The following PALD1 variants were observed in gnomAD, a reference collection of about 807,000 sequenced individuals.
PALD1 encodes the protein paladin.
PALD1 carries 57 observed loss-of-function variants against 96.0 expected under a neutral mutation model. The ratio of observed to expected loss-of-function variants is 0.59; its 90% CI spans 0.48 to 0.74. The LOEUF (loss-of-function observed/expected upper bound fraction) is 0.74. Among genes scored for constraint, PALD1 ranks in the 30% least tolerant of loss-of-function variants. The probability of loss-of-function intolerance (pLI) is 0.00; values close to 1 mark genes in which losing one functional copy is unlikely to be tolerated. For synonymous variants in PALD1, 464 were observed against 473.6 expected, an observed-to-expected ratio of 0.98 and a Z score of 0.26; for missense variants, 1,063 against 1,143.7, an observed-to-expected ratio of 0.93 and a Z score of 1.02.
intron 18 of PALD1, among the ~76,000 whole-genome samples, chr10:70,553,694 G>A (rs543541421): frequency 1.3e-5 from 2 of 152,216 alleles, no homozygotes; most frequent in Non-Finnish European, 2.9e-5. Context: ...TTAGGAGGGG[G>A]ACAAGACCCG....
At chr10:70,463,181 G>C in the PALD1 span, among the ~76,000 whole-genome samples, 1 of 152,196 alleles carries the variant, frequency 6.6e-6, no homozygotes, top group African/African-American at 2.4e-5. Flanking sequence ...AAGGCGGGCA[G>C]ATCACAAGGT....
At chr10:70,494,187 A>C (rs1291568696) in intron 1 of PALD1, among the ~76,000 whole-genome samples, 1 of 152,162 alleles carries the variant, frequency 6.6e-6, no homozygotes, top group African/African-American at 2.4e-5. Context: ...CACTTCCTTC[A>C]GTCTTTACTC....
intron 18 of PALD1, among the ~76,000 whole-genome samples, chr10:70,548,694 C>A (rs571745688): frequency 4.5e-4 from 69 of 152,352 alleles, no homozygotes; most frequent in African/African-American, 1.6e-3. Context: ...TTGCCTGTGG[C>A]CCCTGCAGAG....
intron 18 of PALD1, among the ~76,000 whole-genome samples, chr10:70,554,506 G>A (rs895297538): frequency 3.3e-5 from 5 of 152,154 alleles, no homozygotes; most frequent in East Asian, 1.9e-4. Context: ...CACTTCCAGC[G>A]CTTTGGACGG....
chr10:70,533,778 A>C, intron 7 of PALD1, 144 bp from the exon 8 acceptor site: 1 of 671,478 alleles, frequency 1.5e-6, no homozygotes, highest in Non-Finnish European at 2.4e-6. Context: ...TGGCTTTGGC[A>C]GAAGAGGCCA....
At chr10:70,541,559 G>A (rs1287423867) in intron 17 of PALD1, 25 bp downstream of exon 17, 1 of 1,581,422 alleles carries the variant, frequency 6.3e-7, no homozygotes, top group Non-Finnish European at 8.7e-7. Flanking sequence ...CGGGGTCCCT[G>A]AGGCACCTTG....
At chr10:70,496,502 C>T (rs1446507849) in intron 1 of PALD1, among the ~76,000 whole-genome samples, 1 of 152,156 alleles carries the variant, frequency 6.6e-6, no homozygotes, top group Non-Finnish European at 1.5e-5. Flanking sequence ...GAACTTTGTA[C>T]AAGTGGACTA....
In PALD1 at chr10:70,515,707, G is replaced by A. The variant is rs542680476; in HGVS notation, c.-29-10216G>A. 9.9e-5 allele frequency among the ~76,000 whole-genome samples: 15 copies of A among 152,248 alleles called. 1 individual carries two copies. Among genetic ancestry groups the A allele is most frequent in the African/African-American group, 3.4e-4 (14 of 41,544 alleles). On this transcript the variant is annotated intron_variant, in intron 1 of 19. Transcript: ENST00000263563. ...ACATTCACTGATTTCATCTTTATACGGTCCAGCAGGGGAGGTACCGGTGGT... is the reference window on the plus strand; with the variant it reads ...ACATTCACTGATTTCATCTTTATACAGTCCAGCAGGGGAGGTACCGGTGGT...
At chr10:70,504,631 C>T (rs1322581127) in intron 1 of PALD1, among the ~76,000 whole-genome samples, 1 of 152,074 alleles carries the variant, frequency 6.6e-6, no homozygotes, top group African/African-American at 2.4e-5. Context: ...ACTGTATGTT[C>T]CAAAACAAAA....
chr10:70,510,772 G>C (rs963368255), intron 1 of PALD1, among the ~76,000 whole-genome samples: 10 of 152,192 alleles, frequency 6.6e-5, no homozygotes, highest in African/African-American at 2.4e-4. Context: ...TGCCATTTTG[G>C]AGCAGTAGAG....
intron 1 of PALD1, among the ~76,000 whole-genome samples, chr10:70,518,655 T>C (rs1274774512): frequency 6.6e-6 from 1 of 152,250 alleles, no homozygotes; most frequent in African/African-American, 2.4e-5. Flanking sequence ...TATTGACTTG[T>C]TAAGAGTTGG....
chr10:70,532,376 G>C (rs1316071375), intron 5 of PALD1, among the ~76,000 whole-genome samples: 1 of 152,232 alleles, frequency 6.6e-6, no homozygotes, highest in Admixed American at 6.5e-5. Flanking sequence ...GGCACTGGTG[G>C]CTTTGTGAAT....
intron 18 of PALD1, 147 bp from the exon 19 acceptor site, chr10:70,564,217 G>A: frequency 2.5e-6 from 2 of 813,794 alleles, no homozygotes; most frequent in African/African-American, 1.7e-5. Context: ...TTGCTCCATT[G>A]CTTGTCCTGT....
chr10:70,494,052 G>T (rs75696195), intron 1 of PALD1, among the ~76,000 whole-genome samples: 1 of 152,132 alleles, frequency 6.6e-6, no homozygotes, highest in Non-Finnish European at 1.5e-5. Flanking sequence ...CCTTGTCACA[G>T]CCGCACCGGC....
chr10:70,486,725 C>T (rs2132262430), intron 1 of PALD1, among the ~76,000 whole-genome samples: 1 of 152,248 alleles, frequency 6.6e-6, no homozygotes. Context: ...TGCGCCACTG[C>T]ACCCCAGCCT....
At chr10:70,557,930 C>CTTTTTTTT (rs781513750) in intron 18 of PALD1, among the ~76,000 whole-genome samples, 14,645 of 92,318 alleles carry the variant, frequency 0.16, 2,670 homozygotes, top group South Asian at 0.25. Context: ...TTGGCTCTTC[C>CTTTTTTTT]TTTTTTTTTT....
chr10:70,517,156 A>G (rs1386959855), intron 1 of PALD1, among the ~76,000 whole-genome samples: 1 of 152,198 alleles, frequency 6.6e-6, no homozygotes, highest in Non-Finnish European at 1.5e-5. Context: ...CCCATTTCAC[A>G]GAAGTGGCAG....
At chr10:70,466,262 T>C in the PALD1 span, among the ~76,000 whole-genome samples, 1 of 152,144 alleles carries the variant, frequency 6.6e-6, no homozygotes, top group Non-Finnish European at 1.5e-5. Context: ...TTTTTTCTTT[T>C]TGAGACAGAG....
chr10:70,543,916 A>G (rs1240353150), intron 17 of PALD1, among the ~76,000 whole-genome samples: 1 of 152,126 alleles, frequency 6.6e-6, no homozygotes, highest in Admixed American at 6.5e-5. Flanking sequence ...GGGCCACATC[A>G]GAGAGGTGGG....
Sources: allele counts gnomAD v4.1 joint callset (sites outside exome capture counted in the v4.1 genomes callset), GRCh38; gene constraint gnomAD v4.1.1; transcripts MANE v1.5; gene names NCBI Gene and HGNC (gene_info 2026-07-23, HGNC 2026-07-21).